Variants in NPLOC4 observed in about 807,000 individuals in gnomAD.
The protein encoded by NPLOC4 is nuclear protein localization protein 4 homolog.
NPLOC4 carries 18 observed loss-of-function variants against 80.6 expected under a neutral mutation model. The observed-to-expected ratio is 0.22, with a 90% confidence interval of 0.15 to 0.33. NPLOC4 has a LOEUF of 0.33. NPLOC4 is among the 10% of genes least tolerant of loss of function. NPLOC4 has a pLI of 1.00. For missense variants in NPLOC4, 540 were observed against 786.1 expected, an observed-to-expected ratio of 0.69 and a Z score of 3.74; for synonymous variants, 313 against 301.5, an observed-to-expected ratio of 1.04 and a Z score of -0.39.
At chr17:81,612,006 T>C (rs897879038) in intron 4 of NPLOC4, among the ~76,000 whole-genome samples, 1 of 150,502 alleles carries the variant, frequency 6.6e-6, no homozygotes, top group Non-Finnish European at 1.5e-5. Flanking sequence ...ATAACAAAGC[T>C]GGTACGTGAA....
rs143357495 is a variant in NPLOC4 at position 81,617,880 on chromosome 17, C to A, written c.209+4286G>T. 7.4e-3 allele frequency among the ~76,000 whole-genome samples: 1,130 copies of A among 152,276 alleles called. 55 individuals carry two copies. In the East Asian group the frequency reaches 0.12, roughly 16 times the overall value. ...TTCGCTGTGTTGGCCGGGCTGGTCT[C>A]CAGCTCCTAACCAAGTGATCCGCCA... On this transcript the variant is annotated intron_variant, in intron 3 of 16. Transcript: ENST00000331134.
chr17:81,619,796 T>A (rs1212152007), intron 3 of NPLOC4, among the ~76,000 whole-genome samples: 2 of 150,888 alleles, frequency 1.3e-5, no homozygotes, highest in Non-Finnish European at 3.0e-5. Flanking sequence ...GGAGAATCGC[T>A]TGAACCTGGG....
chr17:81,619,366 G>C (rs1278776583), intron 3 of NPLOC4, among the ~76,000 whole-genome samples: 2 of 151,298 alleles, frequency 1.3e-5, no homozygotes, highest in Non-Finnish European at 2.9e-5. Flanking sequence ...AACACAGTGA[G>C]ACTCCGTCTC....
intron 7 of NPLOC4, 33 bp from the exon 8 acceptor site, chr17:81,604,760 C>T: frequency 6.5e-7 from 1 of 1,549,766 alleles, no homozygotes; most frequent in Non-Finnish European, 8.8e-7. Context: ...CTGATGAAAA[C>T]ATGCCATCAA....
intron 2 of NPLOC4, among the ~76,000 whole-genome samples, chr17:81,622,999 A>T (rs1016545864): frequency 6.6e-6 from 1 of 151,826 alleles, no homozygotes; most frequent in African/African-American, 2.4e-5. Flanking sequence ...GTTCGAGACC[A>T]GCCTGACCAA....
chr17:81,590,318 G>C (rs1323748147), intron 11 of NPLOC4, among the ~76,000 whole-genome samples: 1 of 152,198 alleles, frequency 6.6e-6, no homozygotes, highest in Non-Finnish European at 1.5e-5. Flanking sequence ...GGGGACAGGA[G>C]AACTACAGAT....
chr17:81,561,373 T>G (rs983825476), intron 16 of NPLOC4, among the ~76,000 whole-genome samples: 1 of 152,354 alleles, frequency 6.6e-6, no homozygotes, highest in South Asian at 2.1e-4. Context: ...GTTGTGTGTA[T>G]GTACTGCTAA....
chr17:81,573,636 G>T (rs951091527), intron 12 of NPLOC4: 14 of 151,962 alleles, frequency 9.2e-5, no homozygotes, highest in African/African-American at 3.1e-4. Flanking sequence ...TCAATTTCTG[G>T]CCTGAAATGT....
intron 12 of NPLOC4, among the ~76,000 whole-genome samples, chr17:81,581,971 C>G (rs2034452323): frequency 6.6e-6 from 1 of 152,214 alleles, no homozygotes; most frequent in African/African-American, 2.4e-5. Context: ...GACGTGCTGA[C>G]AGCAGAGACA....
chr17:81,630,115 A>C (rs920513821), intron 1 of NPLOC4, among the ~76,000 whole-genome samples: 2 of 152,108 alleles, frequency 1.3e-5, no homozygotes, highest in African/African-American at 4.8e-5. Flanking sequence ...CAGACTTAAA[A>C]CAGAGAAAAA....
intron 8 of NPLOC4, among the ~76,000 whole-genome samples, chr17:81,603,876 CACT>C (rs1240500462): frequency 3.4e-4 from 52 of 152,110 alleles, no homozygotes; most frequent in African/African-American, 9.7e-4. Flanking sequence ...ATGTAAAATA[CACT>C]ACATCATTAT....
At chr17:81,586,407 C>T (rs777044991) in intron 12 of NPLOC4, among the ~76,000 whole-genome samples, 1 of 152,050 alleles carries the variant, frequency 6.6e-6, no homozygotes, top group Admixed American at 6.6e-5. Flanking sequence ...TCCAGGAGTT[C>T]AAGACCGGCC....
chr17:81,621,990 G>A (rs1413512097), intron 3 of NPLOC4, among the ~76,000 whole-genome samples, 176 bp downstream of exon 3: 1 of 152,230 alleles, frequency 6.6e-6, no homozygotes, highest in Non-Finnish European at 1.5e-5. Flanking sequence ...GGTAACTGCA[G>A]ATTCAGGATA....
chr17:81,564,136 A>C, intron 16 of NPLOC4: 1 of 293,454 alleles, frequency 3.4e-6, no homozygotes, highest in South Asian at 2.5e-5. Context: ...GGGCGGGCTG[A>C]AAAACTATTA....
chr17:81,571,516 C>A (rs1336275963), intron 13 of NPLOC4, among the ~76,000 whole-genome samples: 1 of 152,202 alleles, frequency 6.6e-6, no homozygotes, highest in Non-Finnish European at 1.5e-5. Flanking sequence ...ACAGGTGTGT[C>A]CCCTGGGGAC....
At chr17:81,559,907 T>C (rs1268065885) in intron 16 of NPLOC4, among the ~76,000 whole-genome samples, 2 of 151,716 alleles carry the variant, frequency 1.3e-5, no homozygotes, top group East Asian at 4.0e-4. Context: ...TAATTTTATC[T>C]ATTTTTTGGT....
intron 12 of NPLOC4, among the ~76,000 whole-genome samples, chr17:81,587,474 C>T (rs1598638064): frequency 6.6e-6 from 1 of 151,364 alleles, no homozygotes; most frequent in East Asian, 1.9e-4. Context: ...TGCCACCATG[C>T]CCGGCTAACT....
chr17:81,610,151 C>A, intron 5 of NPLOC4, 59 bp downstream of exon 5: 1 of 1,483,814 alleles, frequency 6.7e-7, no homozygotes, highest in Non-Finnish European at 9.2e-7. Context: ...GCACTTAAGA[C>A]AGCTGTCTAC....
intron 7 of NPLOC4, among the ~76,000 whole-genome samples, chr17:81,606,010 T>TG (rs1653387441): frequency 6.6e-6 from 1 of 151,936 alleles, no homozygotes; most frequent in African/African-American, 2.4e-5. Flanking sequence ...TTAGTAGAGA[T>TG]GGGGTTTCAC....
Sources: gnomAD v4.1 joint callset for allele counts (sites outside exome capture counted in the v4.1 genomes callset) on GRCh38, gnomAD v4.1.1 for gene constraint, MANE v1.5 for transcripts, NCBI Gene and HGNC (gene_info 2026-07-23, HGNC 2026-07-21) for gene names.